Variants in CIMIP2B observed in about 807,000 individuals in gnomAD.
CIMIP2B encodes the protein ciliary microtubule inner protein 2B, also known as family with sequence similarity 166 member B.
the CIMIP2B span, chr9:35,562,754 C>G: frequency 6.2e-7 from 1 of 1,611,458 alleles, no homozygotes; most frequent in Non-Finnish European, 8.5e-7. Context: ...GTGGAGCTGA[C>G]AATCAAGTGC....
At chr9:35,562,613 T>C in the CIMIP2B span, 1 of 1,611,334 alleles carries the variant, frequency 6.2e-7, no homozygotes, top group Non-Finnish European at 8.5e-7. Context: ...TCCTGGGGCC[T>C]CCCCACGCCT....
chr9:35,562,475 G>C, the CIMIP2B span: 8 of 1,584,670 alleles, frequency 5.0e-6, no homozygotes, highest in Admixed American at 1.3e-4. Context: ...GGCACTGCCT[G>C]GTGAGTGCTT....
the CIMIP2B span, chr9:35,563,288 G>GGGGGCCAGGC: frequency 6.2e-7 from 1 of 1,613,926 alleles, no homozygotes; most frequent in Non-Finnish European, 8.5e-7. Context: ...GCGGTGGACA[G>GGGGGCCAGGC]GGGGCCAGGC....
chr9:35,562,419 T>C, the CIMIP2B span: 2 of 1,540,242 alleles, frequency 1.3e-6, no homozygotes, highest in East Asian at 4.6e-5. Flanking sequence ...AGACCCAGGT[T>C]CTGAGGGTAT....
chr9:35,562,254 G>C, the CIMIP2B span: 1 of 1,060,412 alleles, frequency 9.4e-7, no homozygotes, highest in Non-Finnish European at 1.3e-6. Flanking sequence ...TGATAATAAA[G>C]CTGAACCACA....
chr9:35,561,927 A>AGGCCCC, the CIMIP2B span: 1 of 192,554 alleles, frequency 5.2e-6, no homozygotes, highest in Non-Finnish European at 9.8e-6. Flanking sequence ...CCACCCTCCC[A>AGGCCCC]CCCTCCCACC....
At chr9:35,562,367 G>A in the CIMIP2B span, 3 of 1,460,810 alleles carry the variant, frequency 2.1e-6, no homozygotes, top group South Asian at 4.4e-5. Context: ...GCCTCCCCGG[G>A]GGCTCTTCTC....
the CIMIP2B span, chr9:35,562,884 C>A: frequency 6.2e-7 from 1 of 1,614,020 alleles, no homozygotes; most frequent in Non-Finnish European, 8.5e-7. Flanking sequence ...CTTGTTCCAC[C>A]ACCTCCAGTG....
chr9:35,562,364 C>A, the CIMIP2B span: 1 of 1,454,964 alleles, frequency 6.9e-7, no homozygotes, highest in Middle Eastern at 1.8e-4. Context: ...AAAGCCTCCC[C>A]GGGGGCTCTT....
the CIMIP2B span, chr9:35,563,290 GGGCCAGGCTA>G: frequency 6.2e-7 from 1 of 1,613,972 alleles, no homozygotes; most frequent in Non-Finnish European, 8.5e-7. Flanking sequence ...GGTGGACAGG[GGGCCAGGCTA>G]GGCCAGGAGG....
the CIMIP2B span, chr9:35,562,431 T>G: frequency 6.4e-7 from 1 of 1,569,094 alleles, no homozygotes; most frequent in Non-Finnish European, 8.6e-7. Context: ...TGAGGGTATG[T>G]TCTGGGAAGT....
chr9:35,563,466 G>T, the CIMIP2B span: 1 of 1,156,718 alleles, frequency 8.6e-7, no homozygotes, highest in Non-Finnish European at 1.3e-6. Context: ...GACCTCTGAA[G>T]CCCTGATCTT....
At chr9:35,563,373 G>A in the CIMIP2B span, 1 of 1,612,268 alleles carries the variant, frequency 6.2e-7, no homozygotes, top group Non-Finnish European at 8.5e-7. Flanking sequence ...CGAAGTAGTG[G>A]GCAGTGTCCA....
the CIMIP2B span, chr9:35,562,295 C>T: frequency 1.6e-6 from 2 of 1,229,132 alleles, no homozygotes; most frequent in Non-Finnish European, 2.2e-6. Flanking sequence ...CTATTAGTTT[C>T]AACCCCCACA....
At chr9:35,563,715 C>T in the CIMIP2B span, 1 of 1,552,024 alleles carries the variant, frequency 6.4e-7, no homozygotes, top group Non-Finnish European at 8.9e-7. Context: ...ATTCCTCCAC[C>T]CTATACCCCT....
chr9:35,562,399 G>GTT, the CIMIP2B span: 1 of 1,502,882 alleles, frequency 6.7e-7, no homozygotes. Flanking sequence ...AGCCCCCATA[G>GTT]TTAGGTAAAA....
At chr9:35,563,138 G>A in the CIMIP2B span, 1 of 1,613,230 alleles carries the variant, frequency 6.2e-7, no homozygotes, top group Non-Finnish European at 8.5e-7. Flanking sequence ...CTCCTGGGAG[G>A]GGCACCTGTG....
At chr9:35,561,921 C>CTT in the CIMIP2B span, 1 of 139,552 alleles carries the variant, frequency 7.2e-6, no homozygotes. Flanking sequence ...GTTCCCCCAC[C>CTT]CTCCCACCCT....
the CIMIP2B span, chr9:35,562,369 G>A: frequency 2.7e-6 from 4 of 1,461,660 alleles, no homozygotes; most frequent in Non-Finnish European, 2.7e-6. Context: ...CTCCCCGGGG[G>A]CTCTTCTCAC....
Sources: allele counts gnomAD v4.1 joint callset, GRCh38; gene constraint gnomAD v4.1.1; transcripts MANE v1.5; gene names NCBI Gene and HGNC (gene_info 2026-07-23, HGNC 2026-07-21).